JARID2: variants seen among roughly 807,000 people sequenced by gnomAD.
JARID2 encodes protein Jumonji.
JARID2 carries 21 observed loss-of-function variants against 125.6 expected under a neutral mutation model. That is an observed-to-expected ratio of 0.17 (90% confidence interval 0.12 to 0.24). The LOEUF (loss-of-function observed/expected upper bound fraction) is 0.24, where lower values mean the gene tolerates loss of function less well. JARID2 is among the 10% of genes least tolerant of loss of function. The probability of loss-of-function intolerance (pLI) is 1.00; values close to 1 mark genes in which losing one functional copy is unlikely to be tolerated. For missense variants in JARID2, 1,303 were observed against 1,639.6 expected, an observed-to-expected ratio of 0.79 and a Z score of 3.55; for synonymous variants, 736 against 661.6, an observed-to-expected ratio of 1.11 and a Z score of -1.73.
At chr6:15,308,666 A>C (rs1761915459) in intron 1 of JARID2, among the ~76,000 whole-genome samples, 1 of 152,170 alleles carries the variant, frequency 6.6e-6, no homozygotes, top group Non-Finnish European at 1.5e-5. Context: ...TTATCTTATT[A>C]TGTATTTGTT....
chr6:15,518,411 T>C (rs1324605531), intron 17 of JARID2, among the ~76,000 whole-genome samples: 1 of 152,196 alleles, frequency 6.6e-6, no homozygotes, highest in Non-Finnish European at 1.5e-5. Context: ...GCAAAGGTAT[T>C]TGGAAACTGC....
chr6:15,365,203 A>G (rs1763932679), intron 1 of JARID2, among the ~76,000 whole-genome samples: 2 of 152,318 alleles, frequency 1.3e-5, no homozygotes, highest in Non-Finnish European at 2.9e-5. Flanking sequence ...CCAATAATTT[A>G]TTTGTAATTT....
intron 5 of JARID2, among the ~76,000 whole-genome samples, chr6:15,486,824 T>TTTTTTTTTTTG (rs1769890864): frequency 6.7e-6 from 1 of 148,178 alleles, no homozygotes; most frequent in African/African-American, 2.5e-5. Flanking sequence ...TTTTTTTTTT[T>TTTTTTTTTTTG]GAGACAGAGT....
At chr6:15,475,958 T>C (rs1474574653) in intron 5 of JARID2, among the ~76,000 whole-genome samples, 1 of 152,188 alleles carries the variant, frequency 6.6e-6, no homozygotes, top group Admixed American at 6.5e-5. Context: ...GAATTGTTAA[T>C]CTTTCACAAG....
At chr6:15,479,440 C>T (rs946954555) in intron 5 of JARID2, among the ~76,000 whole-genome samples, 2 of 152,208 alleles carry the variant, frequency 1.3e-5, no homozygotes, top group Non-Finnish European at 2.9e-5. Flanking sequence ...GTTATTTTAT[C>T]ATTGCACATA....
chr6:15,406,142 A>G (rs910352448), intron 2 of JARID2, among the ~76,000 whole-genome samples: 6 of 152,200 alleles, frequency 3.9e-5, no homozygotes, highest in Non-Finnish European at 7.3e-5. Flanking sequence ...GGCCAGTAAA[A>G]TCTATGGTCC....
intron 2 of JARID2, among the ~76,000 whole-genome samples, chr6:15,382,651 A>G (rs1287551981): frequency 1.3e-5 from 2 of 152,156 alleles, no homozygotes; most frequent in East Asian, 3.8e-4. Flanking sequence ...CTTGATGAGA[A>G]ACTTAACTGG....
At chr6:15,380,278 G>C (rs911308902) in intron 2 of JARID2, among the ~76,000 whole-genome samples, 4 of 152,046 alleles carry the variant, frequency 2.6e-5, no homozygotes, top group Non-Finnish European at 5.9e-5. Flanking sequence ...GAGGTGATCT[G>C]CCCACGTCGG....
chr6:15,407,399 C>T (rs1765694449), intron 2 of JARID2, among the ~76,000 whole-genome samples: 1 of 152,204 alleles, frequency 6.6e-6, no homozygotes, highest in Non-Finnish European at 1.5e-5. Context: ...CTTCTCTTTA[C>T]AGTCACCCAG....
chr6:15,441,743 TATCTTAG>T (rs1767453932), intron 3 of JARID2, among the ~76,000 whole-genome samples: 1 of 152,214 alleles, frequency 6.6e-6, no homozygotes, highest in African/African-American at 2.4e-5. Context: ...TTTCTGCAGC[TATCTTAG>T]AAGCATTCCA....
In JARID2 at chr6:15,521,715, G is replaced by A. The variant is rs1771863754; in HGVS notation, c.*1464G>A. ...CTGAGCTTGCCAGTGGTGACTGCCA[G>A]GAACGTCCTATGATCCACTTTGTTG... On this transcript the variant is annotated 3_prime_UTR_variant, in exon 18 of 18. Coordinates refer to ENST00000341776, the MANE Select transcript of JARID2 (RefSeq NM_004973.4). The A allele has an allele frequency of 6.6e-6, 1 of 152,210 alleles. No individual in the cohort carries two copies. The allele number at this position is 152,210 out of a possible 1,614,324, so 9.4% of individuals were successfully genotyped here.
Position 15,286,283 on chromosome 6 carries a change from C to T in JARID2, c.45+39699C>T, listed in dbSNP as rs187995541. On this transcript the variant is annotated intron_variant, in intron 1 of 17. Coordinates refer to ENST00000341776, the MANE Select transcript of JARID2 (RefSeq NM_004973.4). ...TTTTTTTTTTTTTGAGATGAAGTCT[C>T]ACTTTGTCACCCGAGTTGGAGTGCA... 4.9e-3 allele frequency among the ~76,000 whole-genome samples: 715 copies of T among 146,886 alleles called. 6 individuals carry two copies. Among genetic ancestry groups the T allele is most frequent in the African/African-American group, 0.017 (659 of 39,206 alleles).
At chr6:15,381,500 C>G (rs913670291) in intron 2 of JARID2, among the ~76,000 whole-genome samples, 1 of 152,050 alleles carries the variant, frequency 6.6e-6, no homozygotes, top group Non-Finnish European at 1.5e-5. Flanking sequence ...TTTTTCTTTC[C>G]CTCTCCTGTT....
At chr6:15,328,705 G>A (rs1762610593) in intron 1 of JARID2, among the ~76,000 whole-genome samples, 1 of 152,198 alleles carries the variant, frequency 6.6e-6, no homozygotes, top group African/African-American at 2.4e-5. Flanking sequence ...ATGTGTGTCT[G>A]TGGCCTCAAA....
intron 3 of JARID2, among the ~76,000 whole-genome samples, chr6:15,450,104 A>G (rs574051837): frequency 1.3e-5 from 2 of 152,304 alleles, no homozygotes; most frequent in South Asian, 4.1e-4. Flanking sequence ...ACTATTTTAT[A>G]TAATCCACTC....
At chr6:15,324,271 A>G (rs540139014) in intron 1 of JARID2, 1 of 151,724 alleles carries the variant, frequency 6.6e-6, no homozygotes, top group African/African-American at 2.4e-5. Flanking sequence ...TTTGTGTCCT[A>G]GGAAATCTTT....
chr6:15,520,699 A>G lies in JARID2; in HGVS notation c.*448A>G. The G allele has an allele frequency of 2.2e-6, 1 of 453,506 alleles. No individual in the cohort carries two copies. Among genetic ancestry groups the G allele is most frequent in the Non-Finnish European group, 4.4e-6 (1 of 224,968 alleles). The allele number at this position is 453,506 out of a possible 1,614,324, so 28.1% of individuals were successfully genotyped here. A position where few individuals can be genotyped will look rare whatever the true frequency, so the allele number is the denominator to read the frequency against. The stretch of plus-strand genomic sequence containing the variant: ...ATAGGAGACACACGCGCACACACAC[A>G]CACACACGAAACTTGAAATGGCTTT... On this transcript the variant is annotated 3_prime_UTR_variant, in exon 18 of 18. Coordinates refer to ENST00000341776, the MANE Select transcript of JARID2 (RefSeq NM_004973.4).
intron 2 of JARID2, among the ~76,000 whole-genome samples, chr6:15,404,053 A>G (rs368195840): frequency 3.5e-4 from 53 of 152,296 alleles, no homozygotes; most frequent in Non-Finnish European, 6.3e-4. Context: ...AAGCCGAGGT[A>G]TGAAACCACT....
intron 2 of JARID2, among the ~76,000 whole-genome samples, chr6:15,409,135 T>C (rs527405538): frequency 6.6e-6 from 1 of 152,230 alleles, no homozygotes; most frequent in Non-Finnish European, 1.5e-5. Context: ...ATCAAATACA[T>C]AGAACACTGT....
Sources: gnomAD v4.1 joint callset for allele counts (sites outside exome capture counted in the v4.1 genomes callset) on GRCh38, gnomAD v4.1.1 for gene constraint, MANE v1.5 for transcripts, NCBI Gene and HGNC (gene_info 2026-07-23, HGNC 2026-07-21) for gene names.